Variants in CD8B2 observed in about 807,000 individuals in gnomAD.
CD8B2 encodes T-cell surface glycoprotein CD8 beta-2 chain.
CD8B2 carries 11 observed loss-of-function variants against 23.7 expected under a neutral mutation model. The ratio of observed to expected loss-of-function variants is 0.46; its 90% CI spans 0.29 to 0.77. CD8B2 has a LOEUF of 0.77. Among genes scored for constraint, CD8B2 ranks in the 30% least tolerant of loss-of-function variants. CD8B2 has a pLI of 0.09. For missense variants in CD8B2, 197 were observed against 270.5 expected, an observed-to-expected ratio of 0.73 and a Z score of 1.91; for synonymous variants, 90 against 109.3, an observed-to-expected ratio of 0.82 and a Z score of 1.10.
At chr2:106,502,294 CAA>C (rs547491786) in intron 3 of CD8B2, among the ~76,000 whole-genome samples, 178 bp from the exon 4 acceptor site, 3 of 69,488 alleles carry the variant, frequency 4.3e-5, no homozygotes, top group African/African-American at 1.9e-4. Context: ...GACTCTGTCT[CAA>C]AAAAAAAAAA....
intron 3 of CD8B2, among the ~76,000 whole-genome samples, chr2:106,501,966 A>C (rs1444716118): frequency 2.6e-5 from 4 of 152,200 alleles, no homozygotes; most frequent in Non-Finnish European, 5.9e-5. Context: ...AAATTTTATA[A>C]TAAAATGATT....
chr2:106,495,767 G>A (rs1375107848), intron 2 of CD8B2, among the ~76,000 whole-genome samples: 1 of 152,028 alleles, frequency 6.6e-6, no homozygotes, highest in Admixed American at 6.6e-5. Flanking sequence ...AAGGACTTCA[G>A]TACTTGGATG....
chr2:106,499,576 A>G (rs2104555276), intron 3 of CD8B2, among the ~76,000 whole-genome samples: 1 of 151,392 alleles, frequency 6.6e-6, no homozygotes, highest in East Asian at 1.9e-4. Context: ...TAATTTGCAT[A>G]CCGCAAAGTT....
Position 106,529,620 on chromosome 2 carries a change from T to C in CD8B2, c.621-14372T>C, listed in dbSNP as rs554225164. On this transcript the variant is annotated intron_variant, in intron 5 of 5. Coordinates refer to the CD8B2 transcript ENST00000416057. ...TCCTTTATCTCCATTACAATATTTT[T>C]GTCCAAGTCACTACTGTTTTCACCT... Among the ~76,000 whole-genome samples the C allele has an allele frequency of 3.9e-5, 6 of 152,370 alleles. No homozygotes were observed. In the East Asian group the frequency reaches 1.2e-3, roughly 29 times the overall value.
downstream of CD8B2, among the ~76,000 whole-genome samples, chr2:106,511,455 C>T (rs1023656730): frequency 1.3e-5 from 2 of 150,350 alleles, no homozygotes; most frequent in African/African-American, 4.9e-5. Flanking sequence ...TCCCCCCGCC[C>T]CCTTCCTTTC....
At chr2:106,494,144 AC>A (rs201893711) in intron 2 of CD8B2, among the ~76,000 whole-genome samples, 1,559 of 145,254 alleles carry the variant, frequency 0.011, 25 homozygotes, top group African/African-American at 0.038. Flanking sequence ...CCCCCTTACA[AC>A]CCCCCAACAC....
At chr2:106,493,067 T>C (rs370610206) in intron 2 of CD8B2, among the ~76,000 whole-genome samples, 1 of 152,192 alleles carries the variant, frequency 6.6e-6, no homozygotes, top group East Asian at 1.9e-4. Flanking sequence ...GACTTCAGTG[T>C]TTCCAAACCC....
chr2:106,492,195 G>A (rs1160615489), intron 2 of CD8B2, among the ~76,000 whole-genome samples: 1 of 151,900 alleles, frequency 6.6e-6, no homozygotes, highest in Non-Finnish European at 1.5e-5. Context: ...GTGTCACACG[G>A]GGGTGCTGAT....
At chr2:106,491,255 A>G (rs1679190967) in intron 2 of CD8B2, 22 bp downstream of exon 2, 4 of 1,451,224 alleles carry the variant, frequency 2.8e-6, no homozygotes, top group Non-Finnish European at 3.8e-6. Flanking sequence ...GCTCAATGCT[A>G]TCAGTGAGCA....
At chr2:106,504,906 C>T (rs1234792333) in intron 5 of CD8B2, among the ~76,000 whole-genome samples, 3 of 152,204 alleles carry the variant, frequency 2.0e-5, no homozygotes, top group Non-Finnish European at 2.9e-5. Flanking sequence ...CCAGCCATTG[C>T]TTTCCTTCCC....
Position 106,490,874 on chromosome 2 carries a change from T to C in CD8B2, c.44T>C (p.Val15Ala), listed in dbSNP as rs536777764. ...TGTCTCTGTTCTTGGCTTTTCCTAG[T>C]TCTCCATGGCAACTCAGTCCTCCAG... ...LWLLLAAQLT[V>A]LHGNSVLQQT... The change falls in exon 2 of 6, where the codon GTT becomes GCT. Residue 15 changes from valine (V) to alanine (A), a missense_variant and splice_region_variant. Physicochemically the swap from Val to Ala is moderately conservative, Grantham distance 64 (BLOSUM62 0). Coordinates refer to ENST00000643224, the MANE Select transcript of CD8B2 (RefSeq NM_001349727.2). The C allele has an allele frequency of 1.9e-6, 3 of 1,566,750 alleles. No homozygotes were observed.
chr2:106,487,392 G>C lies in CD8B2; in HGVS notation c.-35G>C, dbSNP rs567421939. ...CACCCCAGCCGCGACTGTCTCCGCC[G>C]AGCCCCCGGGGCCAGGTGTCCCGGG... On this transcript the variant is annotated 5_prime_UTR_variant, in exon 1 of 6. Coordinates refer to ENST00000643224, the MANE Select transcript of CD8B2 (RefSeq NM_001349727.2). The C allele has an allele frequency of 1.7e-6, 2 of 1,204,102 alleles. No individual in the cohort carries two copies. Among genetic ancestry groups the C allele is most frequent in the Non-Finnish European group, 2.1e-6 (2 of 964,882 alleles). The allele number at this position is 1,204,102 out of a possible 1,614,324, so 74.6% of individuals were successfully genotyped here.
At chr2:106,514,399 T>C (rs1268771949), downstream of CD8B2, among the ~76,000 whole-genome samples, 1 of 151,560 alleles carries the variant, frequency 6.6e-6, no homozygotes, top group Non-Finnish European at 1.5e-5. Flanking sequence ...GCGATTCTCC[T>C]GCCTCAGCCT....
Position 106,490,906 on chromosome 2 carries a change from C to A in CD8B2, c.76C>A (p.Pro26Thr). The A allele has an allele frequency of 6.2e-7, 1 of 1,600,242 alleles. No individual in the cohort carries two copies. The highest frequency in any genetic ancestry group is 1.7e-5 in the Admixed American group (1 of 59,080). Reference sequence around the variant, plus strand: ...TGGCAACTCAGTCCTCCAGCAGACCCCTGCATACATAAAGGTGCAAACCAA... The same window carrying A: ...TGGCAACTCAGTCCTCCAGCAGACCACTGCATACATAAAGGTGCAAACCAA... ...LHGNSVLQQT[P>T]AYIKVQTNKM... is the part of the protein sequence containing the mutation. Residue 26 changes from proline to threonine, a missense_variant, in exon 2 of 6, where the codon CCT (proline) becomes ACT (threonine). Physicochemically the swap from Pro to Thr is conservative, Grantham distance 38. This residue lies in a region of CD8B2 where 140 missense variants were observed against 164.2 expected (regional missense o/e 0.85). Coordinates refer to ENST00000643224, the MANE Select transcript of CD8B2 (RefSeq NM_001349727.2).
Position 106,506,947 on chromosome 2 carries a change from A to G in CD8B2, c.*7A>G. On this transcript the variant is annotated 3_prime_UTR_variant, in exon 6 of 6. Coordinates refer to ENST00000643224, the MANE Select transcript of CD8B2 (RefSeq NM_001349727.2). ...TTTCAGATTTTACAAATGAGCAGAG[A>G]ATACGGTTTTGGTGTCCTGCTACAA... 1 of 1,601,852 alleles carries G rather than the reference A, an allele frequency of 6.2e-7. No individual in the cohort carries two copies. The highest frequency in any genetic ancestry group is 8.5e-7 in the Non-Finnish European group (1 of 1,174,646).
chr2:106,507,321 C>A lies in CD8B2; in HGVS notation c.*381C>A. The A allele has an allele frequency of 9.8e-7, 1 of 1,020,398 alleles. No individual in the cohort carries two copies. Among genetic ancestry groups the A allele is most frequent in the Non-Finnish European group, 1.2e-6 (1 of 852,560 alleles). 63.2% of individuals were successfully genotyped at this position (1,020,398 alleles called of 1,614,324 possible). On this transcript the variant is annotated 3_prime_UTR_variant, in exon 6 of 6. Transcript: ENST00000643224. The stretch of plus-strand genomic sequence containing the variant: ...CCCTGGTAGGGCAGTAACATTGGGT[C>A]CTGGGTCTTTCATGGGGTGATGCTG...
intron 3 of CD8B2, among the ~76,000 whole-genome samples, chr2:106,496,845 A>G (rs986694561): frequency 1.1e-4 from 16 of 152,056 alleles, no homozygotes; most frequent in African/African-American, 3.9e-4. Flanking sequence ...CATTATGATA[A>G]TGGTTGCACA....
At chr2:106,530,160 T>C (rs946608485) in intron 5 of CD8B2, among the ~76,000 whole-genome samples, 1 of 152,140 alleles carries the variant, frequency 6.6e-6, no homozygotes, top group East Asian at 1.9e-4. Context: ...AAAGTGCACA[T>C]TTCAGTATTG....
At chr2:106,541,706 A>G (rs1029517836) in intron 5 of CD8B2, among the ~76,000 whole-genome samples, 3 of 152,220 alleles carry the variant, frequency 2.0e-5, no homozygotes, top group Non-Finnish European at 4.4e-5. Flanking sequence ...GCATTATATG[A>G]ATGTCCACCA....
Sources: gnomAD v4.1 joint callset for allele counts (sites outside exome capture counted in the v4.1 genomes callset) on GRCh38, gnomAD v4.1.1 for gene constraint, gnomAD v4.1.1 regional missense constraint, MANE v1.5 for transcripts, NCBI Gene and HGNC (gene_info 2026-07-23, HGNC 2026-07-21) for gene names.